Variants in FLT1 observed in about 807,000 individuals in gnomAD.
FLT1 encodes the protein fms related receptor tyrosine kinase 1, also known as vascular endothelial growth factor receptor 1.
In FLT1, 49 loss-of-function variants were observed where a neutral mutation model predicts 156.3. That is an observed-to-expected ratio of 0.31 (90% CI 0.25 to 0.40). The LOEUF (loss-of-function observed/expected upper bound fraction) is 0.40. Ranked by LOEUF, FLT1 falls within the 10% of genes least tolerant of loss-of-function variation. The probability of loss-of-function intolerance (pLI) is 1.00; values close to 1 mark genes in which losing one functional copy is unlikely to be tolerated. For synonymous variants in FLT1, 594 were observed against 583.8 expected (o/e 1.02, Z -0.25); for missense variants, 1,322 against 1,637.2 (o/e 0.81, Z 3.32).
intron 3 of FLT1, among the ~76,000 whole-genome samples, chr13:28,438,583 C>T (rs114123939): frequency 1.4e-4 from 22 of 152,276 alleles, no homozygotes; most frequent in African/African-American, 4.6e-4. Context: ...ATCAGATTGC[C>T]CCAATACCTT....
intron 1 of FLT1, among the ~76,000 whole-genome samples, chr13:28,480,424 C>T (rs1274077716): frequency 6.6e-6 from 1 of 152,036 alleles, no homozygotes; most frequent in Admixed American, 6.6e-5. Context: ...ATAATTTCTG[C>T]TTAAAGAAAT....
chr13:28,438,188 A>G, intron 4 of FLT1, 33 bp downstream of exon 4: 2 of 1,605,428 alleles, frequency 1.2e-6, no homozygotes, highest in Non-Finnish European at 1.7e-6. Context: ...TTTGCAGTGA[A>G]AGTATGCTGA....
At chr13:28,442,887 T>C (rs892790701) in intron 3 of FLT1, among the ~76,000 whole-genome samples, 4 of 152,222 alleles carry the variant, frequency 2.6e-5, no homozygotes, top group African/African-American at 9.6e-5. Flanking sequence ...CACGGTTCCA[T>C]TAATATCACC....
At chr13:28,476,126 C>CAT (rs902279518) in intron 1 of FLT1, among the ~76,000 whole-genome samples, 4 of 151,636 alleles carry the variant, frequency 2.6e-5, no homozygotes, top group Non-Finnish European at 5.9e-5. Flanking sequence ...TACACACACA[C>CAT]ATGCACACAC....
In FLT1 at chr13:28,300,521, C is replaced by CCCCACA. The variant is rs1870463448; in HGVS notation, c.*2645_*2646insTGTGGG. 1 of 196,134 alleles carries CCCCACA rather than the reference C, an allele frequency of 5.1e-6. No homozygotes were observed. The highest frequency in any genetic ancestry group is 2.4e-5 in the African/African-American group (1 of 42,024). 12.1% of individuals were successfully genotyped at this position (196,134 alleles called of 1,614,324 possible). ...AGTTATGCACAAAACACACATACAC[C>CCCCACA]CACACACACACACACACACACACAC... On this transcript the variant is annotated 3_prime_UTR_variant, in exon 30 of 30. Coordinates refer to ENST00000282397, the MANE Select transcript of FLT1 (RefSeq NM_002019.4).
At chr13:28,465,649 C>A (rs1190671761) in intron 3 of FLT1, among the ~76,000 whole-genome samples, 2 of 152,096 alleles carry the variant, frequency 1.3e-5, no homozygotes, top group African/African-American at 2.4e-5. Context: ...TCGAGACCAG[C>A]CTGACCAACA....
At position 28,334,050 on chromosome 13, in the gene FLT1, C is replaced by T; in HGVS notation, c.2568G>A (p.Arg856=). The T allele has an allele frequency of 6.2e-7, 1 of 1,612,614 alleles. No homozygotes were observed. Among genetic ancestry groups the T allele is most frequent in the Non-Finnish European group, 8.5e-7 (1 of 1,178,592 alleles). ...AFGIKKSPTC[R]TVAVKMLKEG... ...CTTTCAGCATTTTCACAGCCACAGT[C>T]CGGCACGTAGGTGATTTCTTAATGC... The change falls in exon 18 of 30, where the codon CGG becomes CGA. Residue 856 remains arginine, a synonymous_variant. Transcript: ENST00000282397.
chr13:28,484,508 G>A (rs904351485), intron 1 of FLT1, among the ~76,000 whole-genome samples: 4 of 152,098 alleles, frequency 2.6e-5, no homozygotes, highest in African/African-American at 9.7e-5. Flanking sequence ...TTTTTGGGAG[G>A]TCCTTGAATG....
chr13:28,339,142 A>T (rs1385673705), intron 17 of FLT1, 26 bp downstream of exon 17: 1 of 1,610,676 alleles, frequency 6.2e-7, no homozygotes, highest in Non-Finnish European at 8.5e-7. Flanking sequence ...GTATAGGTTT[A>T]TGAATCTGTT....
rs1873391828 is a variant in FLT1, at chr13:28,368,450, C to T, written c.2117-10765G>A. On this transcript the variant is annotated intron_variant, in intron 14 of 29. Coordinates refer to ENST00000282397, the MANE Select transcript of FLT1 (RefSeq NM_002019.4). ...TACAGGCGTGAGCCACCATGCCCGG[C>T]CATTTGTTATTGTTATGATTGTCTT... is the stretch of plus-strand genomic sequence containing the variant. 4.0e-6 allele frequency: 6 copies of T among 1,487,450 alleles called. No homozygotes were observed. In the East Asian group the frequency reaches 1.5e-4, roughly 37 times the overall value. The allele number at this position is 1,487,450 out of a possible 1,614,324, so 92.1% of individuals were successfully genotyped here. A position where few individuals can be genotyped will look rare whatever the true frequency, so the allele number is the denominator to read the frequency against.
intron 27 of FLT1, among the ~76,000 whole-genome samples, chr13:28,310,933 C>T (rs755158137): frequency 1.6e-4 from 24 of 152,180 alleles, no homozygotes; most frequent in Non-Finnish European, 3.4e-4. Flanking sequence ...GGAAATCTGA[C>T]TATTAGATGG....
chr13:28,306,049 C>G (rs1180751261), intron 29 of FLT1, among the ~76,000 whole-genome samples: 1 of 152,192 alleles, frequency 6.6e-6, no homozygotes, highest in Non-Finnish European at 1.5e-5. Flanking sequence ...TGCAGCTTTT[C>G]CCAGTCCAGC....
At chr13:28,419,830 G>A (rs1026002622) in intron 10 of FLT1, among the ~76,000 whole-genome samples, 25 of 152,214 alleles carry the variant, frequency 1.6e-4, no homozygotes, top group African/African-American at 6.0e-4. Context: ...AGTGAGCCGA[G>A]ATCGTGCCAC....
intron 10 of FLT1, among the ~76,000 whole-genome samples, chr13:28,422,169 G>T (rs562894472): frequency 6.6e-6 from 1 of 152,204 alleles, no homozygotes; most frequent in South Asian, 2.1e-4. Flanking sequence ...TTGAATATCA[G>T]TGACGTGCCA....
intron 3 of FLT1, among the ~76,000 whole-genome samples, chr13:28,461,730 C>T (rs1879589249): frequency 6.6e-6 from 1 of 152,158 alleles, no homozygotes; most frequent in Non-Finnish European, 1.5e-5. Flanking sequence ...CCGCTAAACA[C>T]ATTTATATAA....
chr13:28,466,848 T>A, intron 3 of FLT1, 55 bp downstream of exon 3: 1 of 1,233,782 alleles, frequency 8.1e-7, no homozygotes, highest in Non-Finnish European at 1.2e-6. Flanking sequence ...CAGGGTAGAT[T>A]TATGACTCAT....
rs1241074483 is a variant in FLT1, at chr13:28,390,086, T to C, written c.1679A>G (p.His560Arg). 1 of 1,614,054 alleles carries C rather than the reference T, an allele frequency of 6.2e-7. No homozygotes were observed. Residue 560 changes from histidine to arginine, a missense_variant, in exon 13 of 30, where the codon CAT (histidine) becomes CGT (arginine). Around this residue, in one of 3 missense-constraint regions of FLT1, gnomAD observed 991 missense variants for 1,254.8 expected, o/e 0.79. Transcript: ENST00000282397. Reference protein sequence around the residue: ...FYITDVPNGFHVNLEKMPTEG... With the variant: ...FYITDVPNGFRVNLEKMPTEG... ...CGTCGGCATTTTTTCCAAGTTAACA[T>C]GAAACCCATTTGGCACATCTATAAA...
chr13:28,494,759 C>G (rs750762641), intron 1 of FLT1, 21 bp downstream of exon 1: 92 of 1,543,130 alleles, frequency 6.0e-5, no homozygotes, highest in Non-Finnish European at 7.7e-5. Flanking sequence ...CCTCAGGCCC[C>G]GGCCCCCAGC....
At chr13:28,488,203 G>C (rs1881272228) in intron 1 of FLT1, among the ~76,000 whole-genome samples, 1 of 152,114 alleles carries the variant, frequency 6.6e-6, no homozygotes, top group South Asian at 2.1e-4. Flanking sequence ...TTCAAGACCA[G>C]CCTGGCCAAT....
Sources: gnomAD v4.1 joint callset for allele counts (sites outside exome capture counted in the v4.1 genomes callset) on GRCh38, gnomAD v4.1.1 for gene constraint, gnomAD v4.1.1 regional missense constraint, MANE v1.5 for transcripts, NCBI Gene and HGNC (gene_info 2026-07-23, HGNC 2026-07-21) for gene names.